Variants in DCDC1 observed in about 807,000 individuals in gnomAD.
DCDC1 encodes the protein doublecortin domain containing 1, also known as doublecortin domain-containing protein 1.
Under a neutral mutation model 178.3 loss-of-function variants are expected in DCDC1, and 200 were observed. That is an observed-to-expected ratio of 1.12 (90% CI 1.00 to 1.26). The LOEUF is 1.26. Ranked by LOEUF, DCDC1 falls within the 50% of genes most tolerant of loss-of-function variation. DCDC1 has a pLI of 0.00. For synonymous variants in DCDC1, 690 were observed against 604.8 expected, an observed-to-expected ratio of 1.14 and a Z score of -2.07; for missense variants, 1,983 against 1,749.2, an observed-to-expected ratio of 1.13 and a Z score of -2.38.
At chr11:31,165,734 C>T (rs926339457) in intron 9 of DCDC1, among the ~76,000 whole-genome samples, 1 of 152,216 alleles carries the variant, frequency 6.6e-6, no homozygotes, top group Middle Eastern at 3.4e-3. Context: ...AGGGCATTAT[C>T]CCCTTGTTTT....
At chr11:31,280,716 C>A in intron 7 of DCDC1, 1 of 578,960 alleles carries the variant, frequency 1.7e-6, no homozygotes, top group Non-Finnish European at 3.3e-6. Flanking sequence ...TCTGCCCTTT[C>A]TGCCTTCTTC....
chr11:31,315,448 T>G (rs1304262848), intron 3 of DCDC1, among the ~76,000 whole-genome samples: 1 of 149,610 alleles, frequency 6.7e-6, no homozygotes, highest in African/African-American at 2.5e-5. Flanking sequence ...GCCATCCTCC[T>G]GCCTCAGCCT....
chr11:31,100,861 C>T (rs117822300), intron 15 of DCDC1, among the ~76,000 whole-genome samples: 4 of 152,210 alleles, frequency 2.6e-5, no homozygotes, highest in Non-Finnish European at 5.9e-5. Flanking sequence ...TGAATACCAA[C>T]AGGATCAGAT....
rs201199703 is a variant in DCDC1, at chr11:31,226,214, TG to T, written c.1221+15235del. The stretch of plus-strand genomic sequence containing the variant: ...TTCTTGCAGAACTGAAGGTGACTCA[TG>T]TCCTAGTTCAGCCTGGTGGCTATCA... On this transcript the variant is annotated intron_variant, in intron 9 of 38. Coordinates refer to ENST00000684477, the MANE Select transcript of DCDC1 (RefSeq NM_001387274.1). Among the ~76,000 whole-genome samples, 757 of 152,176 alleles carry T rather than the reference TG, an allele frequency of 5.0e-3. 8 individuals carry two copies. Among genetic ancestry groups the T allele is most frequent in the African/African-American group, 0.017 (721 of 41,522 alleles).
chr11:30,965,290 A>G (rs1438274000), intron 20 of DCDC1, among the ~76,000 whole-genome samples: 1 of 152,164 alleles, frequency 6.6e-6, no homozygotes. Flanking sequence ...AAAAATCACC[A>G]TGTCAGTACC....
At chr11:30,993,802 G>A (rs1246814955) in intron 20 of DCDC1, among the ~76,000 whole-genome samples, 3 of 152,098 alleles carry the variant, frequency 2.0e-5, no homozygotes, top group Non-Finnish European at 4.4e-5. Flanking sequence ...CGTTACATTT[G>A]TAGTCAAAAT....
intron 34 of DCDC1, 128 bp from the exon 35 acceptor site, chr11:30,894,512 T>A: frequency 2.3e-6 from 3 of 1,309,766 alleles, no homozygotes; most frequent in South Asian, 3.2e-5. Flanking sequence ...AAATATATCA[T>A]AAAAGCAAAG....
chr11:31,158,724 T>C (rs1035799994), intron 9 of DCDC1, among the ~76,000 whole-genome samples: 8 of 152,212 alleles, frequency 5.3e-5, no homozygotes, highest in African/African-American at 7.2e-5. Flanking sequence ...TATTCAAATA[T>C]GCACACCAAC....
Position 30,864,774 on chromosome 11 carries a change from G to A in DCDC1, c.*599C>T, listed in dbSNP as rs1038339841. On this transcript the variant is annotated 3_prime_UTR_variant, in exon 39 of 39. Transcript: ENST00000684477. Reference sequence around the variant, plus strand: ...CTTTTTTTTTTCCAATAAGCCACACGATAAACTGGAAAAATTTAGAGAATG... The same window carrying A: ...CTTTTTTTTTTCCAATAAGCCACACAATAAACTGGAAAAATTTAGAGAATG... 1.3e-5 allele frequency: 2 copies of A among 151,624 alleles called. No homozygotes were observed. The highest frequency in any genetic ancestry group is 2.9e-5 in the Non-Finnish European group (2 of 67,954). 9.4% of individuals were successfully genotyped at this position (151,624 alleles called of 1,614,324 possible).
intron 28 of DCDC1, among the ~76,000 whole-genome samples, chr11:30,910,016 A>AT (rs1440258421): frequency 1.3e-5 from 2 of 152,202 alleles, no homozygotes; most frequent in Non-Finnish European, 2.9e-5. Context: ...AATTAATTTA[A>AT]TGGGTCAGAC....
At chr11:31,323,150 C>T (rs1023920055) in intron 3 of DCDC1, among the ~76,000 whole-genome samples, 5 of 152,070 alleles carry the variant, frequency 3.3e-5, no homozygotes, top group African/African-American at 1.2e-4. Context: ...ACAAAACATC[C>T]TTGCTATTTT....
At chr11:31,262,602 A>C (rs2137082012) in intron 8 of DCDC1, 1 of 153,168 alleles carries the variant, frequency 6.5e-6, no homozygotes, top group Middle Eastern at 3.4e-3. Context: ...TCTGATACAA[A>C]GCAAGAAAAA....
chr11:31,098,427 T>C (rs1329649167), intron 15 of DCDC1, among the ~76,000 whole-genome samples: 1 of 152,208 alleles, frequency 6.6e-6, no homozygotes, highest in East Asian at 1.9e-4. Flanking sequence ...ATTGTCAGGG[T>C]TATATCTGAC....
At chr11:30,900,232 ATGT>A (rs1174000595) in intron 33 of DCDC1, 111 bp downstream of exon 33, 15 of 934,494 alleles carry the variant, frequency 1.6e-5, no homozygotes, top group Non-Finnish European at 2.2e-5. Context: ...TATAAATGTG[ATGT>A]TATTATGTTG....
intron 1 of DCDC1, among the ~76,000 whole-genome samples, chr11:31,338,273 T>G (rs564400723): frequency 2.0e-5 from 3 of 152,254 alleles, no homozygotes; most frequent in Non-Finnish European, 4.4e-5. Flanking sequence ...TTCTGTTAGG[T>G]GTGATGTGGC....
At chr11:30,982,477 T>G (rs934547398) in intron 20 of DCDC1, among the ~76,000 whole-genome samples, 1 of 152,036 alleles carries the variant, frequency 6.6e-6, no homozygotes, top group Non-Finnish European at 1.5e-5. Context: ...TTTCATTTTA[T>G]GTAGCATTAA....
intron 21 of DCDC1, among the ~76,000 whole-genome samples, chr11:30,938,324 CCTGT>C (rs765756033): frequency 8.5e-5 from 13 of 152,138 alleles, no homozygotes; most frequent in Non-Finnish European, 1.8e-4. Context: ...CTGGCTCCCT[CCTGT>C]CTGTCTGCAA....
chr11:31,159,876 A>G (rs1290586982), intron 9 of DCDC1, among the ~76,000 whole-genome samples: 1 of 152,200 alleles, frequency 6.6e-6, no homozygotes, highest in Non-Finnish European at 1.5e-5. Context: ...AGTGACACAT[A>G]TTTAGTTCAT....
chr11:31,000,849 GA>G (rs1332264562), intron 20 of DCDC1, among the ~76,000 whole-genome samples: 4 of 151,504 alleles, frequency 2.6e-5, no homozygotes, highest in African/African-American at 9.7e-5. Flanking sequence ...CAAACTTTCA[GA>G]AAAGTTAGAA....
Sources: gnomAD v4.1 joint callset for allele counts (sites outside exome capture counted in the v4.1 genomes callset) on GRCh38, gnomAD v4.1.1 for gene constraint, MANE v1.5 for transcripts, NCBI Gene and HGNC (gene_info 2026-07-23, HGNC 2026-07-21) for gene names.